IGFBP2: variants seen among roughly 807,000 people sequenced by gnomAD.
IGFBP2 encodes insulin like growth factor binding protein 2.
Under a neutral mutation model 26.2 loss-of-function variants are expected in IGFBP2, and 12 were observed. The observed-to-expected ratio is 0.46, with a 90% CI of 0.29 to 0.74. The LOEUF (loss-of-function observed/expected upper bound fraction) is 0.74, where lower values mean the gene tolerates loss of function less well. Among genes scored for constraint, IGFBP2 ranks in the 30% least tolerant of loss-of-function variants. The probability of loss-of-function intolerance (pLI) is 0.09; values close to 1 mark genes in which losing one functional copy is unlikely to be tolerated. For missense variants in IGFBP2, 328 were observed against 441.2 expected, an observed-to-expected ratio of 0.74 and a Z score of 2.30; for synonymous variants, 189 against 200.6, an observed-to-expected ratio of 0.94 and a Z score of 0.49.
At chr2:216,634,112 G>T in intron 1 of IGFBP2, 147 bp downstream of exon 1, 2 of 1,318,004 alleles carry the variant, frequency 1.5e-6, no homozygotes, top group Non-Finnish European at 2.0e-6. Context: ...GCGGGACGCG[G>T]AAGTCAGGCC....
intron 1 of IGFBP2, among the ~76,000 whole-genome samples, chr2:216,636,933 G>GGGCA (rs1697509743): frequency 1.8e-5 from 2 of 110,052 alleles, no homozygotes; most frequent in Admixed American, 1.9e-4. Context: ...GCAGGCGGGC[G>GGGCA]GGCGGGCGGG....
intron 3 of IGFBP2, 33 bp from the exon 4 acceptor site, chr2:216,663,907 G>C (rs750251177): frequency 4.4e-6 from 7 of 1,587,652 alleles, no homozygotes; most frequent in Middle Eastern, 1.7e-4. Flanking sequence ...TGCTGGCTGC[G>C]GGCTCCTCCA....
chr2:216,637,560 TAA>T (rs1158462311), intron 1 of IGFBP2, among the ~76,000 whole-genome samples: 2 of 152,240 alleles, frequency 1.3e-5, no homozygotes, highest in African/African-American at 4.8e-5. Context: ...TGTGTGGTGG[TAA>T]TGACCCACTT....
chr2:216,664,022 C>G lies in IGFBP2; in HGVS notation c.896C>G (p.Thr299Ser). The change falls in exon 4 of 4, where the codon ACC becomes AGC. Residue 299 changes from threonine to serine, a missense_variant. Transcript: ENST00000233809. The surrounding 1 kb of genome is among the most constrained non-coding windows in gnomAD (Gnocchi z 4.6). ...GGGAAGCTGATCCAGGGAGCCCCCA[C>G]CATCCGGGGGGACCCCGAGTGTCAT... ...NTGKLIQGAP[T>S]IRGDPECHLF... 6.2e-7 allele frequency: 1 copy of G among 1,614,124 alleles called. No homozygotes were observed. The highest frequency in any genetic ancestry group is 8.5e-7 in the Non-Finnish European group (1 of 1,180,012).
chr2:216,638,563 G>A (rs1697548110), intron 1 of IGFBP2, among the ~76,000 whole-genome samples: 1 of 152,112 alleles, frequency 6.6e-6, no homozygotes. Context: ...GAAAGTAGGA[G>A]CATATCCATT....
intron 1 of IGFBP2, among the ~76,000 whole-genome samples, chr2:216,642,479 TG>T (rs1343406173): frequency 6.6e-6 from 1 of 150,860 alleles, no homozygotes; most frequent in African/African-American, 2.4e-5. Flanking sequence ...GCTAATTTTT[TG>T]TATTTTTAGT....
Position 216,650,604 on chromosome 2 carries a change from G to A in IGFBP2, c.443-9953G>A, listed in dbSNP as rs9341160. ...CCTGTTGGGCTTGCCACTCAACAGA[G>A]GTCACTGAGCTCTTCCGCACTCAGC... On this transcript the variant is annotated intron_variant, in intron 1 of 3. Coordinates refer to ENST00000233809, the MANE Select transcript of IGFBP2 (RefSeq NM_000597.3). Among the ~76,000 whole-genome samples, 13 of 152,316 alleles carry A rather than the reference G, an allele frequency of 8.5e-5. No homozygotes were observed. In the South Asian group the frequency reaches 2.5e-3, roughly 29 times the overall value.
intron 1 of IGFBP2, among the ~76,000 whole-genome samples, chr2:216,654,997 A>G (rs1475498595): frequency 6.6e-6 from 1 of 152,186 alleles, no homozygotes; most frequent in East Asian, 1.9e-4. Context: ...GGCCCTGGAC[A>G]CTGCCTCTGT....
At chr2:216,652,756 C>T (rs772159840) in intron 1 of IGFBP2, among the ~76,000 whole-genome samples, 5 of 152,206 alleles carry the variant, frequency 3.3e-5, no homozygotes, top group African/African-American at 4.8e-5. Context: ...TTAACAAAGA[C>T]GGAGCCATGT....
rs558644304 is a variant in IGFBP2, at chr2:216,643,604, GGAA to G, written c.442+9646_442+9648del. On this transcript the variant is annotated intron_variant, in intron 1 of 3. Transcript: ENST00000233809. The stretch of plus-strand genomic sequence containing the variant: ...ATCTTTTGGCTTCCCTGGGCCACTT[GGAA>G]GAAGAATTGTCGTGGGTCACACATA... 2.0e-5 allele frequency among the ~76,000 whole-genome samples: 3 copies of G among 152,124 alleles called. No individual in the cohort carries two copies. In the South Asian group the frequency reaches 6.2e-4, roughly 32 times the overall value.
At chr2:216,635,342 C>T (rs1697474603) in intron 1 of IGFBP2, among the ~76,000 whole-genome samples, 1 of 152,146 alleles carries the variant, frequency 6.6e-6, no homozygotes, top group South Asian at 2.1e-4. Context: ...TTCCCTCCTG[C>T]TTCTCTTAGA....
chr2:216,633,889 G>T lies in IGFBP2; in HGVS notation c.366G>T (p.Gln122His). The T allele has an allele frequency of 6.3e-7, 1 of 1,590,662 alleles. No individual in the cohort carries two copies. The highest frequency in any genetic ancestry group is 8.5e-7 in the Non-Finnish European group (1 of 1,171,070). The change falls in exon 1 of 4, where the codon CAG becomes CAT. Residue 122 changes from glutamine (Q) to histidine (H), a missense_variant. Gln to His is a conservative substitution (Grantham distance 24). Coordinates refer to ENST00000233809, the MANE Select transcript of IGFBP2 (RefSeq NM_000597.3). Reference protein sequence around the residue: ...YPHPGSELPLQALVMGEGTCE... With the variant: ...YPHPGSELPLHALVMGEGTCE... ...ACCCGGGCTCCGAGCTGCCCCTGCA[G>T]GCGCTGGTCATGGGCGAGGGCACTT...
chr2:216,643,048 G>A (rs1697646680), intron 1 of IGFBP2, among the ~76,000 whole-genome samples: 1 of 152,160 alleles, frequency 6.6e-6, no homozygotes, highest in Non-Finnish European at 1.5e-5. Flanking sequence ...GCTCAAGGGT[G>A]TGCAATTGTG....
At chr2:216,661,666 T>C in intron 2 of IGFBP2, 192 bp from the exon 3 acceptor site, 1 of 670,978 alleles carries the variant, frequency 1.5e-6, no homozygotes, top group Non-Finnish European at 2.7e-6. Flanking sequence ...CTTTAGGGGC[T>C]GGGGTTGGGC....
At chr2:216,648,624 T>C (rs780631110) in intron 1 of IGFBP2, among the ~76,000 whole-genome samples, 1 of 152,048 alleles carries the variant, frequency 6.6e-6, no homozygotes, top group Non-Finnish European at 1.5e-5. Flanking sequence ...GTTTTTATTT[T>C]TGAGACAGAG....
At chr2:216,637,190 C>T (rs1202407966) in intron 1 of IGFBP2, among the ~76,000 whole-genome samples, 2 of 152,206 alleles carry the variant, frequency 1.3e-5, no homozygotes, top group Non-Finnish European at 2.9e-5. Context: ...ACACCACTAC[C>T]TTCCACCTCC....
In IGFBP2 at chr2:216,664,020, C is replaced by T; in HGVS notation, c.894C>T (p.Pro298=). Residue 298 remains proline, a synonymous_variant, in exon 4 of 4, where the codon CCC becomes CCT. Transcript: ENST00000233809. This position sits in a 1 kb window ranked among gnomAD's most constrained non-coding sequence, Gnocchi z 4.6. ...CCGGGAAGCTGATCCAGGGAGCCCC[C>T]ACCATCCGGGGGGACCCCGAGTGTC... ...PNTGKLIQGA[P]TIRGDPECHL... is the part of the protein sequence containing the mutation. The T allele has an allele frequency of 1.2e-6, 2 of 1,614,120 alleles. No individual in the cohort carries two copies. The highest frequency in any genetic ancestry group is 1.7e-5 in the Admixed American group (1 of 60,034).
At position 216,664,422 on chromosome 2, in the gene IGFBP2, G is replaced by T; in HGVS notation, c.*318G>T. 4.8e-6 allele frequency: 1 copy of T among 208,534 alleles called. No homozygotes were observed. The highest frequency in any genetic ancestry group is 9.5e-6 in the Non-Finnish European group (1 of 105,190). 12.9% of individuals were successfully genotyped at this position (208,534 alleles called of 1,614,324 possible). A position where few individuals can be genotyped will look rare whatever the true frequency, so the allele number is the denominator to read the frequency against. On this transcript the variant is annotated 3_prime_UTR_variant, in exon 4 of 4. Coordinates refer to ENST00000233809, the MANE Select transcript of IGFBP2 (RefSeq NM_000597.3). This position sits in a 1 kb window ranked among gnomAD's most constrained non-coding sequence, Gnocchi z 4.6. ...TGTGTCCCTTTTGCATAAGATTAAAGGAAGGAAAAGTAAAGTGTGTGTCTT... is the reference window on the plus strand; with the variant it reads ...TGTGTCCCTTTTGCATAAGATTAAATGAAGGAAAAGTAAAGTGTGTGTCTT...
At chr2:216,634,176 G>T (rs1697445961) in intron 1 of IGFBP2, among the ~76,000 whole-genome samples, 1 of 152,232 alleles carries the variant, frequency 6.6e-6, no homozygotes, top group African/African-American at 2.4e-5. Context: ...GACTCATTTG[G>T]TGGGGATGAA....
Sources: allele counts gnomAD v4.1 joint callset (sites outside exome capture counted in the v4.1 genomes callset), GRCh38; gene constraint gnomAD v4.1.1; non-coding constraint Gnocchi (gnomAD v3.1); transcripts MANE v1.5; gene names NCBI Gene and HGNC (gene_info 2026-07-23, HGNC 2026-07-21).